Variants in GRM7 observed in about 807,000 individuals in gnomAD.
GRM7 encodes the protein metabotropic glutamate receptor 7.
Under a neutral mutation model 84.5 loss-of-function variants are expected in GRM7, and 35 were observed. That is an observed-to-expected ratio of 0.41 (90% CI 0.32 to 0.55). GRM7 has a LOEUF of 0.55. Ranked by LOEUF, GRM7 falls within the 20% of genes least tolerant of loss-of-function variation. The pLI, the probability that GRM7 is intolerant of heterozygous loss-of-function variation, is 0.19. For missense variants in GRM7, 1,003 were observed against 1,194.6 expected, an observed-to-expected ratio of 0.84 and a Z score of 2.36; for synonymous variants, 487 against 455.1, an observed-to-expected ratio of 1.07 and a Z score of -0.89.
intron 4 of GRM7, among the ~76,000 whole-genome samples, chr3:7,386,974 G>C (rs549360601): frequency 7.2e-5 from 11 of 152,232 alleles, no homozygotes; most frequent in African/African-American, 2.6e-4. Flanking sequence ...ATGGGTGTGA[G>C]ATTGTATTTC....
At chr3:7,668,747 T>C (rs1397681125) in intron 8 of GRM7, among the ~76,000 whole-genome samples, 1 of 152,240 alleles carries the variant, frequency 6.6e-6, no homozygotes, top group Non-Finnish European at 1.5e-5. Flanking sequence ...GGGACCATCA[T>C]GAACTGAGAG....
chr3:7,484,532 T>C (rs1437133465), intron 7 of GRM7, among the ~76,000 whole-genome samples: 2 of 152,134 alleles, frequency 1.3e-5, no homozygotes, highest in Non-Finnish European at 2.9e-5. Flanking sequence ...ATTACATCAC[T>C]CTAAACCCCT....
At chr3:7,379,892 G>A (rs1290721226) in intron 4 of GRM7, among the ~76,000 whole-genome samples, 1 of 152,014 alleles carries the variant, frequency 6.6e-6, no homozygotes, top group African/African-American at 2.4e-5. Flanking sequence ...GCTTCCTCAG[G>A]GTCATCTCAA....
intron 7 of GRM7, among the ~76,000 whole-genome samples, chr3:7,499,936 G>T (rs1048173376): frequency 2.6e-5 from 4 of 152,000 alleles, no homozygotes; most frequent in Non-Finnish European, 4.4e-5. Flanking sequence ...CACCACGCCC[G>T]GCTAATTTTT....
At chr3:7,602,859 A>T (rs1696386722) in intron 8 of GRM7, among the ~76,000 whole-genome samples, 1 of 152,148 alleles carries the variant, frequency 6.6e-6, no homozygotes. Context: ...ACTGATTAGT[A>T]ATTATTTTAG....
chr3:7,238,996 C>CTTTTTTTTTTTTTTTTTTT (rs567509392), intron 2 of GRM7, among the ~76,000 whole-genome samples: 3 of 118,354 alleles, frequency 2.5e-5, no homozygotes, highest in Non-Finnish European at 5.1e-5. Flanking sequence ...TTTCTTTTTT[C>CTTTTTTTTTTTTTTTTTTT]CTTTTTCTTT....
chr3:7,647,963 A>G (rs1344675866), intron 8 of GRM7, among the ~76,000 whole-genome samples: 1 of 152,218 alleles, frequency 6.6e-6, no homozygotes, highest in Non-Finnish European at 1.5e-5. Flanking sequence ...TTGTTTTTAC[A>G]TAGCCCTACA....
chr3:6,974,091 G>A (rs1384220536), intron 1 of GRM7, among the ~76,000 whole-genome samples: 1 of 152,134 alleles, frequency 6.6e-6, no homozygotes, highest in African/African-American at 2.4e-5. Context: ...TTTAAGGTAA[G>A]ATTAACAGTA....
At chr3:7,313,414 A>G (rs79808050) in intron 4 of GRM7, among the ~76,000 whole-genome samples, 5,453 of 152,222 alleles carry the variant, frequency 0.036, 303 homozygotes, top group African/African-American at 0.11. Flanking sequence ...CTACATTAGT[A>G]TTTGTTCTTA....
intron 1 of GRM7, among the ~76,000 whole-genome samples, chr3:6,913,220 G>A (rs1559325089): frequency 6.6e-6 from 1 of 152,220 alleles, no homozygotes; most frequent in East Asian, 1.9e-4. Flanking sequence ...TATTTATTCT[G>A]GAAGATTTCT....
At chr3:7,363,792 C>T (rs985073806) in intron 4 of GRM7, among the ~76,000 whole-genome samples, 1 of 152,014 alleles carries the variant, frequency 6.6e-6, no homozygotes, top group Non-Finnish European at 1.5e-5. Flanking sequence ...CATCTTCAAC[C>T]CTTGATATCA....
intron 2 of GRM7, among the ~76,000 whole-genome samples, chr3:7,261,993 G>A (rs749412082): frequency 3.8e-4 from 56 of 145,884 alleles, no homozygotes; most frequent in Admixed American, 1.6e-3. Flanking sequence ...CTGAATATAG[G>A]CCCCCAATCT....
chr3:7,688,728 A>C (rs1188285223), intron 9 of GRM7, among the ~76,000 whole-genome samples: 1 of 152,226 alleles, frequency 6.6e-6, no homozygotes, highest in African/African-American at 2.4e-5. Context: ...CACAGATTCA[A>C]GAGTAAATTT....
intron 7 of GRM7, among the ~76,000 whole-genome samples, chr3:7,556,226 C>T (rs1412866588): frequency 6.6e-6 from 1 of 152,120 alleles, no homozygotes; most frequent in Non-Finnish European, 1.5e-5. Context: ...AGTAATTTCA[C>T]TCATGAGGGC....
intron 1 of GRM7, among the ~76,000 whole-genome samples, chr3:6,949,241 A>G (rs988671085): frequency 2.6e-5 from 4 of 152,048 alleles, no homozygotes; most frequent in Non-Finnish European, 4.4e-5. Context: ...GCTCTTTTAG[A>G]GCAGGCCTGG....
At chr3:7,454,090 A>ACACTCTCT (rs1365192243) in intron 6 of GRM7, among the ~76,000 whole-genome samples, 2,880 of 140,072 alleles carry the variant, frequency 0.021, 74 homozygotes, top group African/African-American at 0.059. Context: ...CTACACACAC[A>ACACTCTCT]CTCTCTCTCT....
intron 2 of GRM7, among the ~76,000 whole-genome samples, chr3:7,243,526 C>A (rs1697641149): frequency 6.6e-6 from 1 of 152,070 alleles, no homozygotes; most frequent in South Asian, 2.1e-4. Flanking sequence ...CCTAGAGTTT[C>A]TATAAAAACT....
chr3:7,294,453 G>T lies in GRM7; in HGVS notation c.737-4231G>T, dbSNP rs1020284439. 3.3e-5 allele frequency among the ~76,000 whole-genome samples: 5 copies of T among 152,074 alleles called. No homozygotes were observed. The East Asian group carries it at 9.6e-4, about 29-fold the overall frequency. On this transcript the variant is annotated intron_variant, in intron 2 of 9. Coordinates refer to ENST00000357716, the MANE Select transcript of GRM7 (RefSeq NM_000844.4). ...TGGCATTGAGACTGTCATCGCCATT[G>T]CCCAGGGATATGTCTGTTGCTGGCT...
At chr3:7,338,361 A>T (rs1473466494) in intron 4 of GRM7, among the ~76,000 whole-genome samples, 1 of 152,010 alleles carries the variant, frequency 6.6e-6, no homozygotes, top group Admixed American at 6.6e-5. Context: ...GTGAGAGGGT[A>T]GTGAGTGGTA....
Sources: gnomAD v4.1 joint callset for allele counts (sites outside exome capture counted in the v4.1 genomes callset) on GRCh38, gnomAD v4.1.1 for gene constraint, MANE v1.5 for transcripts, NCBI Gene and HGNC (gene_info 2026-07-23, HGNC 2026-07-21) for gene names.